Variants in DHX35 observed in about 807,000 individuals in gnomAD.
DHX35 encodes the protein probable ATP-dependent RNA helicase DHX35.
In DHX35, 84 loss-of-function variants were observed where a neutral mutation model predicts 99.6. The ratio of observed to expected loss-of-function variants is 0.84; its 90% CI spans 0.71 to 1.01. DHX35 has a LOEUF of 1.01. Ranked by LOEUF, DHX35 falls within the 50% of genes least tolerant of loss-of-function variation. The pLI, the probability that DHX35 is intolerant of heterozygous loss-of-function variation, is 0.00. For synonymous variants in DHX35, 331 were observed against 316.2 expected (o/e 1.05, Z -0.50); for missense variants, 852 against 888.5 (o/e 0.96, Z 0.52).
intron 1 of DHX35, among the ~76,000 whole-genome samples, chr20:38,965,129 C>T (rs990851050): frequency 2.0e-5 from 3 of 152,174 alleles, no homozygotes; most frequent in Non-Finnish European, 4.4e-5. Flanking sequence ...GGAATTCCAG[C>T]ATGCATCAAA....
intron 20 of DHX35, among the ~76,000 whole-genome samples, chr20:39,033,853 C>G (rs1288323342): frequency 6.6e-6 from 1 of 152,242 alleles, no homozygotes; most frequent in Admixed American, 6.5e-5. Flanking sequence ...TTCCCAGCCT[C>G]TTTCAGAATC....
chr20:38,976,425 T>C, intron 3 of DHX35, among the ~76,000 whole-genome samples: 1 of 151,990 alleles, frequency 6.6e-6, no homozygotes, highest in Non-Finnish European at 1.5e-5. Context: ...TGACTTTTTT[T>C]TTTTTTTTTA....
intron 18 of DHX35, among the ~76,000 whole-genome samples, chr20:39,026,677 A>G (rs1306382420): frequency 6.6e-6 from 1 of 152,072 alleles, no homozygotes; most frequent in Non-Finnish European, 1.5e-5. Flanking sequence ...GGCAAAGAGC[A>G]CTCTAGGGAA....
rs778486198 is a variant in DHX35 at position 38,983,713 on chromosome 20, C to T, written c.282C>T (p.Ala94=). ...STQIPQYLAE[A]GWTAEGRVVG... Reference sequence around the variant, plus strand: ...TTTGTTTGTAGTACCTTGCAGAAGCCGGCTGGACAGCTGAAGGAAGAGTGG... The same window carrying T: ...TTTGTTTGTAGTACCTTGCAGAAGCTGGCTGGACAGCTGAAGGAAGAGTGG... The change falls in exon 4 of 22, where the codon GCC becomes GCT. Residue 94 remains alanine, a synonymous_variant. Coordinates refer to ENST00000252011, the MANE Select transcript of DHX35 (RefSeq NM_021931.4). The T allele has an allele frequency of 2.0e-5, 33 of 1,613,908 alleles. No homozygotes were observed. The highest frequency in any genetic ancestry group is 3.3e-5 in the South Asian group (3 of 91,074).
At chr20:38,982,116 A>G (rs2086183834) in intron 3 of DHX35, among the ~76,000 whole-genome samples, 1 of 152,186 alleles carries the variant, frequency 6.6e-6, no homozygotes, top group Non-Finnish European at 1.5e-5. Flanking sequence ...TATATTTTAA[A>G]CACCATGAGT....
intron 18 of DHX35, 52 bp downstream of exon 18, chr20:39,025,411 T>G (rs755058048): frequency 6.3e-7 from 1 of 1,595,576 alleles, no homozygotes; most frequent in South Asian, 1.1e-5. Context: ...TTCTGTTGAG[T>G]TGTCTTCCTA....
intron 3 of DHX35, among the ~76,000 whole-genome samples, chr20:38,980,249 A>T (rs4812342): frequency 0.38 from 57,447 of 152,066 alleles, 11,453 homozygotes; most frequent in Middle Eastern, 0.52. Context: ...TGTTTGAAGT[A>T]GGATAATATG....
intron 4 of DHX35, among the ~76,000 whole-genome samples, chr20:38,984,727 C>A (rs1358297740): frequency 6.6e-6 from 1 of 152,116 alleles, no homozygotes; most frequent in African/African-American, 2.4e-5. Context: ...ATTTTCATTT[C>A]AAGATTTATA....
rs139982846 is a variant in DHX35, at chr20:39,003,667, A to G, written c.853-82A>G. 2.6e-6 allele frequency: 4 copies of G among 1,511,804 alleles called. No individual in the cohort carries two copies. The African/African-American group carries it at 5.5e-5, about 21-fold the overall frequency. 93.6% of individuals were successfully genotyped at this position (1,511,804 alleles called of 1,614,324 possible). A position where few individuals can be genotyped will look rare whatever the true frequency, so the allele number is the denominator to read the frequency against. ...GACCAAAATTAAAGTCCAGATCCCA[A>G]CTTTTATTTTCTTTCAGTATGATAA... On this transcript the variant is annotated intron_variant, in intron 10 of 21. Transcript: ENST00000252011.
intron 1 of DHX35, among the ~76,000 whole-genome samples, chr20:38,965,995 T>C (rs942498127): frequency 6.6e-6 from 1 of 152,248 alleles, no homozygotes; most frequent in Non-Finnish European, 1.5e-5. Context: ...AAGTTGTTCA[T>C]AAACAGTATT....
chr20:38,968,917 C>T (rs754053400), intron 1 of DHX35, among the ~76,000 whole-genome samples, 164 bp from the exon 2 acceptor site: 3 of 152,172 alleles, frequency 2.0e-5, no homozygotes, highest in Non-Finnish European at 4.4e-5. Flanking sequence ...CTCGTAGGCA[C>T]TTTTCTGGAT....
chr20:38,962,907 G>A (rs1420418883), intron 1 of DHX35: 1 of 157,980 alleles, frequency 6.3e-6, no homozygotes, highest in African/African-American at 2.4e-5. Context: ...TACCTGTAAA[G>A]TGGGCAGAAC....
At chr20:38,969,308 A>G in intron 2 of DHX35, 94 bp downstream of exon 2, 1 of 1,403,380 alleles carries the variant, frequency 7.1e-7, no homozygotes, top group Non-Finnish European at 9.5e-7. Context: ...GCCTCTTTCT[A>G]GAACACAGTG....
chr20:39,002,823 CCAGA>C lies in DHX35; in HGVS notation c.812_815del (p.Thr271ArgfsTer7), dbSNP rs763032873. On this transcript the variant is annotated frameshift_variant, in exon 10 of 22. Transcript: ENST00000252011. LOFTEE classifies it high-confidence loss of function. ...CTGTCGAAACTGTGGTGAAAATTCA[CCAGA>C]CAGAGGGAGACGGAGACGTTTTAGC... 2 of 1,614,172 alleles carry C rather than the reference CCAGA, an allele frequency of 1.2e-6. No individual in the cohort carries two copies. Among genetic ancestry groups the C allele is most frequent in the South Asian group, 1.1e-5 (1 of 91,074 alleles).
intron 7 of DHX35, among the ~76,000 whole-genome samples, 187 bp downstream of exon 7, chr20:38,992,612 G>A (rs1440580543): frequency 6.6e-6 from 1 of 152,054 alleles, no homozygotes; most frequent in Non-Finnish European, 1.5e-5. Context: ...TTCTGTGTGT[G>A]TGTGTGTGTG....
At chr20:39,001,909 A>G in intron 9 of DHX35, 67 bp downstream of exon 9, 2 of 1,224,170 alleles carry the variant, frequency 1.6e-6, no homozygotes, top group South Asian at 2.5e-5. Flanking sequence ...AGAATGTCAG[A>G]ACTGCATTTG....
chr20:39,000,140 C>G (rs1002808419), intron 8 of DHX35, among the ~76,000 whole-genome samples: 13 of 152,166 alleles, frequency 8.5e-5, no homozygotes, highest in African/African-American at 2.9e-4. Flanking sequence ...GATGTCTCCC[C>G]CTTCCCAGCC....
At chr20:39,037,760 G>A (rs764436870) in intron 21 of DHX35, among the ~76,000 whole-genome samples, 18 of 152,186 alleles carry the variant, frequency 1.2e-4, no homozygotes, top group Non-Finnish European at 2.5e-4. Context: ...TTAAAAGCTT[G>A]TATTTACACA....
chr20:38,996,032 A>G (rs1431091315), intron 8 of DHX35, among the ~76,000 whole-genome samples: 1 of 152,130 alleles, frequency 6.6e-6, no homozygotes, highest in Non-Finnish European at 1.5e-5. Flanking sequence ...CTGTTCCTCA[A>G]AACAACCCAG....
Sources: gnomAD v4.1 joint callset for allele counts (sites outside exome capture counted in the v4.1 genomes callset) on GRCh38, gnomAD v4.1.1 for gene constraint, MANE v1.5 for transcripts, NCBI Gene and HGNC (gene_info 2026-07-23, HGNC 2026-07-21) for gene names.